Variants in MICAL2 observed in about 807,000 individuals in gnomAD.
MICAL2 encodes microtubule associated monooxygenase, calponin and LIM domain containing 2.
MICAL2 carries 77 observed loss-of-function variants against 127.3 expected under a neutral mutation model. The ratio of observed to expected loss-of-function variants is 0.60; its 90% CI spans 0.50 to 0.73. The LOEUF (loss-of-function observed/expected upper bound fraction) is 0.73. MICAL2 is among the 30% of genes least tolerant of loss of function. The pLI, the probability that MICAL2 is intolerant of heterozygous loss-of-function variation, is 0.00. For synonymous variants in MICAL2, 570 were observed against 551.1 expected (o/e 1.03, Z -0.48); for missense variants, 1,351 against 1,434.4 (o/e 0.94, Z 0.94).
intron 4 of MICAL2, among the ~76,000 whole-genome samples, chr11:12,205,338 A>G (rs1218103701): frequency 2.0e-5 from 3 of 152,118 alleles, no homozygotes; most frequent in Admixed American, 2.0e-4. Context: ...TGAACAACAC[A>G]GGTTTGAACT....
chr11:12,278,945 G>A (rs1863746037), intron 1 of MICAL2, among the ~76,000 whole-genome samples: 1 of 152,212 alleles, frequency 6.6e-6, no homozygotes, highest in Admixed American at 6.5e-5. Flanking sequence ...ATATGTAAGT[G>A]TTCTGGGAGG....
chr11:12,186,253 G>GT (rs1554970400), intron 3 of MICAL2, among the ~76,000 whole-genome samples: 1 of 152,170 alleles, frequency 6.6e-6, no homozygotes, highest in East Asian at 1.9e-4. Context: ...GCTTGGGGGA[G>GT]TTTTTTTCTT....
intron 2 of MICAL2, among the ~76,000 whole-genome samples, chr11:12,158,167 C>T (rs1854392031): frequency 6.6e-6 from 1 of 151,582 alleles, no homozygotes; most frequent in African/African-American, 2.4e-5. Flanking sequence ...GGATGCTCAA[C>T]CAAGTAAGTA....
chr11:12,283,635 G>A (rs766326966), intron 2 of MICAL2, among the ~76,000 whole-genome samples: 1 of 152,180 alleles, frequency 6.6e-6, no homozygotes, highest in Non-Finnish European at 1.5e-5. Flanking sequence ...GTGGTGGTGA[G>A]GTGGTGATGG....
At chr11:12,125,848 G>A (rs10765924) in intron 1 of MICAL2, among the ~76,000 whole-genome samples, 30,079 of 145,040 alleles carry the variant, frequency 0.21, 3,325 homozygotes, top group Middle Eastern at 0.26. Context: ...TTTGGAATCC[G>A]GTGCAAGTAT....
intron 3 of MICAL2, among the ~76,000 whole-genome samples, chr11:12,193,015 G>A (rs572268129): frequency 6.6e-5 from 10 of 152,290 alleles, no homozygotes; most frequent in Non-Finnish European, 1.0e-4. Context: ...GCTACATAGC[G>A]AGCAAACAGG....
intron 21 of MICAL2, among the ~76,000 whole-genome samples, chr11:12,245,335 G>A (rs748848877): frequency 1.2e-4 from 19 of 152,206 alleles, no homozygotes; most frequent in Non-Finnish European, 2.5e-4. Flanking sequence ...GTCTGTTTCT[G>A]TGCTGTTAGA....
chr11:12,163,273 G>A (rs1855060966), intron 3 of MICAL2, among the ~76,000 whole-genome samples: 1 of 152,202 alleles, frequency 6.6e-6, no homozygotes. Context: ...CTTCCCTGGT[G>A]GCCGTTGGGG....
At chr11:12,208,310 G>T in intron 5 of MICAL2, 171 bp downstream of exon 5, 1 of 563,870 alleles carries the variant, frequency 1.8e-6, no homozygotes, top group Non-Finnish European at 3.1e-6. Context: ...TATGACTTTA[G>T]GTTTGCTGTT....
At chr11:12,352,349 G>A (rs926171250) in intron 33 of MICAL2, among the ~76,000 whole-genome samples, 1 of 152,352 alleles carries the variant, frequency 6.6e-6, no homozygotes, top group South Asian at 2.1e-4. Flanking sequence ...CTAGGATCTT[G>A]TAGTTTTAAG....
chr11:12,170,397 C>A (rs1210547765), intron 3 of MICAL2, among the ~76,000 whole-genome samples: 1 of 152,014 alleles, frequency 6.6e-6, no homozygotes, highest in Non-Finnish European at 1.5e-5. Context: ...CAGCAATAAG[C>A]CGTGATTGTG....
chr11:12,322,629 T>C (rs1026415425), intron 30 of MICAL2, among the ~76,000 whole-genome samples: 2 of 152,178 alleles, frequency 1.3e-5, no homozygotes, highest in South Asian at 2.1e-4. Context: ...CATCCTAGTA[T>C]ACAGAAAGTT....
At chr11:12,204,513 A>T in intron 4 of MICAL2, 56 bp downstream of exon 4, 1 of 1,555,568 alleles carries the variant, frequency 6.4e-7, no homozygotes, top group East Asian at 2.2e-5. Flanking sequence ...CCTGGGTGGG[A>T]CATATCTCTC....
intron 1 of MICAL2, among the ~76,000 whole-genome samples, chr11:12,278,540 G>T (rs754575467): frequency 1.3e-5 from 2 of 152,168 alleles, no homozygotes; most frequent in African/African-American, 4.8e-5. Context: ...CATTATGAAA[G>T]ACATGACTGT....
intron 26 of MICAL2, chr11:12,260,534 T>A (rs1862969747): frequency 9.9e-7 from 1 of 1,013,736 alleles, no homozygotes; most frequent in African/African-American, 1.7e-5. Flanking sequence ...CCTTGAACAC[T>A]GCAGTGAGTT....
chr11:12,268,987 G>T (rs1863641336), intron 24 of MICAL2, among the ~76,000 whole-genome samples: 1 of 151,944 alleles, frequency 6.6e-6, no homozygotes. Context: ...CGACGAGCGA[G>T]ACTCCGTCTC....
intron 18 of MICAL2, 74 bp from the exon 19 acceptor site, chr11:12,242,140 G>A: frequency 7.8e-7 from 1 of 1,276,514 alleles, no homozygotes; most frequent in Non-Finnish European, 1.1e-6. Context: ...TGGTCTTCAT[G>A]GGGGATCCCT....
chr11:12,227,518 T>C (rs1187610083), intron 15 of MICAL2, among the ~76,000 whole-genome samples: 1 of 152,228 alleles, frequency 6.6e-6, no homozygotes, highest in Non-Finnish European at 1.5e-5. Context: ...ATGGTGATGA[T>C]GCTCTGTTTA....
chr11:12,203,710 T>C (rs1019376917), intron 3 of MICAL2, among the ~76,000 whole-genome samples: 4 of 152,214 alleles, frequency 2.6e-5, no homozygotes, highest in Non-Finnish European at 5.9e-5. Context: ...TTCTGTGTGG[T>C]TGTCTTTTCA....
Sources: gnomAD v4.1 joint callset for allele counts (sites outside exome capture counted in the v4.1 genomes callset) on GRCh38, gnomAD v4.1.1 for gene constraint, MANE v1.5 for transcripts, NCBI Gene and HGNC (gene_info 2026-07-23, HGNC 2026-07-21) for gene names.